The following ZSCAN31 variants were observed in gnomAD, a reference collection of about 807,000 sequenced individuals.
ZSCAN31 encodes the protein zinc finger and SCAN domain-containing protein 31.
In ZSCAN31, 14 loss-of-function variants were observed where a neutral mutation model predicts 22.5. The observed-to-expected ratio is 0.62, with a 90% CI of 0.41 to 0.97. The LOEUF (loss-of-function observed/expected upper bound fraction) is 0.97, where lower values mean the gene tolerates loss of function less well. Among genes scored for constraint, ZSCAN31 ranks in the 50% least tolerant of loss-of-function variants. ZSCAN31 has a pLI of 0.00. For missense variants in ZSCAN31, 424 were observed against 483.4 expected (o/e 0.88, Z 1.15); for synonymous variants, 168 against 169.8 (o/e 0.99, Z 0.08).
chr6:28,326,951 G>T, intron 3 of ZSCAN31, 97 bp from the exon 4 acceptor site: 1 of 1,194,598 alleles, frequency 8.4e-7, no homozygotes, highest in Non-Finnish European at 1.2e-6. Flanking sequence ...AAACAGACAT[G>T]TTCTAGGAAT....
At chr6:28,332,145 C>G (rs1581675923) in intron 1 of ZSCAN31, 2 of 152,334 alleles carry the variant, frequency 1.3e-5, no homozygotes, top group South Asian at 4.1e-4. Context: ...CAAACCACCC[C>G]TGTTCCCAGG....
chr6:28,333,478 CAAATA>C lies in ZSCAN31; in HGVS notation c.-96+2599_-96+2603del. Among the ~76,000 whole-genome samples the C allele has an allele frequency of 6.6e-6, 1 of 152,082 alleles. No individual in the cohort carries two copies. The highest frequency in any genetic ancestry group is 2.4e-5 in the African/African-American group (1 of 41,482). ...GCAACAACAAAAATAAGTAAGGAGG[CAAATA>C]AAATAATTATGAGTTGTGATGATTA... On this transcript the variant is annotated intron_variant, in intron 1 of 3. Transcript: ENST00000344279. This position sits in a 1 kb window ranked among gnomAD's most constrained non-coding sequence, Gnocchi z 4.1.
At chr6:28,345,118 C>T (rs1303840783) in intron 2 of ZSCAN31, among the ~76,000 whole-genome samples, 1 of 147,070 alleles carries the variant, frequency 6.8e-6, no homozygotes, top group African/African-American at 2.6e-5. Flanking sequence ...GCACTCCAAC[C>T]CAGGCAACGC....
chr6:28,329,287 A>G lies in ZSCAN31; in HGVS notation c.381+16T>C. The G allele has an allele frequency of 6.5e-7, 1 of 1,549,456 alleles. No individual in the cohort carries two copies. The highest frequency in any genetic ancestry group is 1.3e-5 in the South Asian group (1 of 79,314). ...TTTAGTATTTAATGTCTAGAAGTCCATCTTTCTCCTCTCACCTGGTTCCCT... is the reference window on the plus strand; with the variant it reads ...TTTAGTATTTAATGTCTAGAAGTCCGTCTTTCTCCTCTCACCTGGTTCCCT... On this transcript the variant is annotated intron_variant, in intron 2 of 3. Transcript: ENST00000344279.
chr6:28,334,867 T>C (rs1764019902), intron 1 of ZSCAN31, among the ~76,000 whole-genome samples: 1 of 152,160 alleles, frequency 6.6e-6, no homozygotes, highest in Non-Finnish European at 1.5e-5. Flanking sequence ...AATAATCTTG[T>C]GGTTATGTAG....
At chr6:28,353,135 A>C (rs1173368786) in intron 2 of ZSCAN31, among the ~76,000 whole-genome samples, 1 of 151,786 alleles carries the variant, frequency 6.6e-6, no homozygotes, top group Non-Finnish European at 1.5e-5. Flanking sequence ...CGCCCAGCTA[A>C]TTTTTGTATT....
In ZSCAN31 at chr6:28,347,410, AT is replaced by A. The variant is rs1764685679; in HGVS notation, c.-370-5619del. Reference sequence around the variant, plus strand: ...AATGTCACTAGACTTACACCATCTTATTTGTATTGCAGTTAGCCCCCTCTCA... The same window carrying A: ...AATGTCACTAGACTTACACCATCTTATTGTATTGCAGTTAGCCCCCTCTCA... On this transcript the variant is annotated intron_variant, in intron 2 of 7. Transcript: ENST00000396838. The surrounding 1 kb of genome is among the most constrained non-coding windows in gnomAD (Gnocchi z 5.2). Among the ~76,000 whole-genome samples the A allele has an allele frequency of 6.6e-6, 1 of 151,964 alleles. No homozygotes were observed. Among genetic ancestry groups the A allele is most frequent in the Admixed American group, 6.6e-5 (1 of 15,248 alleles).
intron 2 of ZSCAN31, among the ~76,000 whole-genome samples, chr6:28,352,450 G>A (rs923705300): frequency 5.9e-5 from 9 of 152,004 alleles, no homozygotes; most frequent in African/African-American, 1.9e-4. Flanking sequence ...ACAGGGTTTC[G>A]TCATATGGGC....
rs1173642685 is a variant in ZSCAN31 at position 28,326,683 on chromosome 6, C to G, written c.704G>C (p.Gly235Ala). Residue 235 changes from glycine (G) to alanine (A), a missense_variant, in exon 4 of 4, where the codon GGA becomes GCA. Transcript: ENST00000344279. ...KAEKQQAHST[G>A]ERRHRCNECG... ...TTCATTGCACCTGTGGCGTCTCTCT[C>G]CAGTGGAATGTGCCTGCTGCTTTTC... The G allele has an allele frequency of 1.2e-6, 2 of 1,614,212 alleles. No individual in the cohort carries two copies. The highest frequency in any genetic ancestry group is 1.6e-4 in the Middle Eastern group (1 of 6,062).
At chr6:28,334,390 G>A (rs2113825184) in intron 1 of ZSCAN31, among the ~76,000 whole-genome samples, 1 of 152,292 alleles carries the variant, frequency 6.6e-6, no homozygotes. Context: ...TGTCCCCACT[G>A]TCCTTCACCG....
rs34223404 is a variant in ZSCAN31 at position 28,326,722 on chromosome 6, C to T, written c.665G>A (p.Arg222Gln). 9.0e-3 allele frequency: 14,524 copies of T among 1,614,082 alleles called. 125 individuals carry two copies. Among genetic ancestry groups the T allele is most frequent in the African/African-American group, 0.047 (3,531 of 75,010 alleles). ...LDSKYRETCK[R>Q]DSKAEKQQAH... ...CTGCTGCTTTTCTGCCTTGCTGTCT[C>T]GTTTACAAGTTTCTCTGTACTTAGA... Residue 222 changes from arginine (R) to glutamine (Q), a missense_variant, in exon 4 of 4, where the codon CGA becomes CAA. Coordinates refer to ENST00000344279, the MANE Select transcript of ZSCAN31 (RefSeq NM_030899.5).
chr6:28,329,568 C>T lies in ZSCAN31; in HGVS notation c.116G>A (p.Arg39Gln), dbSNP rs766378752. The change falls in exon 2 of 4, where the codon CGA (arginine) becomes CAA (glutamine). Residue 39 changes from arginine to glutamine, a missense_variant. Coordinates refer to ENST00000344279, the MANE Select transcript of ZSCAN31 (RefSeq NM_030899.5). ...GNNFSGQEAS[R>Q]QLFRQFCYQE... is the part of the protein sequence containing the mutation. The stretch of plus-strand genomic sequence containing the variant: ...GTAACAAAACTGCCTAAAAAGTTGT[C>T]GGGAGGCTTCTTGGCCAGAAAAGTT... The T allele has an allele frequency of 1.9e-5, 30 of 1,614,058 alleles. No individual in the cohort carries two copies. The highest frequency in any genetic ancestry group is 6.7e-5 in the Admixed American group (4 of 60,006).
chr6:28,341,884 G>A (rs181612286), intron 2 of ZSCAN31: 13 of 152,270 alleles, frequency 8.5e-5, no homozygotes, highest in Admixed American at 3.3e-4. Flanking sequence ...AGGGCTTTGC[G>A]TTGTTGGCAT....
upstream of ZSCAN31, among the ~76,000 whole-genome samples, chr6:28,338,874 G>A (rs1764301671): frequency 6.6e-6 from 1 of 152,120 alleles, no homozygotes; most frequent in South Asian, 2.1e-4. Context: ...GTTGACATTT[G>A]AGTAAACTTC....
chr6:28,326,788 T>G lies in ZSCAN31; in HGVS notation c.599A>C (p.His200Pro). ...TCTTTGGAGTTTGCTATCCCCCAAATGTTCCATTTCTTTTAAGATTTCTTG... is the reference window on the plus strand; with the variant it reads ...TCTTTGGAGTTTGCTATCCCCCAAAGGTTCCATTTCTTTTAAGATTTCTTG... ...SKQEILKEME[H>P]LGDSKLQRDV... Residue 200 changes from histidine (H) to proline (P), a missense_variant, in exon 4 of 4, where the codon CAT (histidine) becomes CCT (proline). Physicochemically the swap from His to Pro is moderately conservative, Grantham distance 77 (BLOSUM62 -2). Coordinates refer to ENST00000344279, the MANE Select transcript of ZSCAN31 (RefSeq NM_030899.5). 6.2e-7 allele frequency: 1 copy of G among 1,613,730 alleles called. No individual in the cohort carries two copies. Among genetic ancestry groups the G allele is most frequent in the Non-Finnish European group, 8.5e-7 (1 of 1,180,030 alleles).
chr6:28,341,846 G>A (rs1464418802), intron 2 of ZSCAN31: 2 of 152,338 alleles, frequency 1.3e-5, no homozygotes, highest in East Asian at 3.9e-4. Context: ...AAACAACCCT[G>A]AGAAATGGCG....
intron 2 of ZSCAN31, among the ~76,000 whole-genome samples, chr6:28,342,954 AAG>A (rs1764473961): frequency 6.6e-6 from 1 of 152,212 alleles, no homozygotes; most frequent in African/African-American, 2.4e-5. Flanking sequence ...ATATTGGAGA[AAG>A]GGGGAATATC....
chr6:28,343,669 G>A (rs1764518909), intron 2 of ZSCAN31, among the ~76,000 whole-genome samples: 1 of 150,986 alleles, frequency 6.6e-6, no homozygotes, highest in South Asian at 2.1e-4. Context: ...GGGACTACAG[G>A]CGCCCACCAC....
intron 2 of ZSCAN31, among the ~76,000 whole-genome samples, chr6:28,343,542 C>CTTTTTTTTTTTTTTT (rs34131321): frequency 1.3e-4 from 14 of 105,876 alleles, no homozygotes; most frequent in South Asian, 3.1e-4. Flanking sequence ...TTTTTTCTTT[C>CTTTTTTTTTTTTTTT]TTTTTTTTTT....
Sources: allele counts gnomAD v4.1 joint callset (sites outside exome capture counted in the v4.1 genomes callset), GRCh38; gene constraint gnomAD v4.1.1; non-coding constraint Gnocchi (gnomAD v3.1); transcripts MANE v1.5; gene names NCBI Gene and HGNC (gene_info 2026-07-23, HGNC 2026-07-21).